KCND2: variants seen among roughly 807,000 people sequenced by gnomAD.
The protein encoded by KCND2 is A-type voltage-gated potassium channel KCND2.
In KCND2, 16 loss-of-function variants were observed where a neutral mutation model predicts 54.4. The ratio of observed to expected loss-of-function variants is 0.29; its 90% confidence interval spans 0.20 to 0.45. The LOEUF (loss-of-function observed/expected upper bound fraction) is 0.45. Ranked by LOEUF, KCND2 falls within the 20% of genes least tolerant of loss-of-function variation. The pLI, the probability that KCND2 is intolerant of heterozygous loss-of-function variation, is 1.00. For missense variants in KCND2, 486 were observed against 824.2 expected (o/e 0.59, Z 5.02); for synonymous variants, 317 against 310.7 (o/e 1.02, Z -0.21).
intron 1 of KCND2, among the ~76,000 whole-genome samples, chr7:120,376,726 C>A (rs1207045460): frequency 6.6e-6 from 1 of 151,722 alleles, no homozygotes; most frequent in Non-Finnish European, 1.5e-5. Context: ...TTTCAAGAAT[C>A]ATGAAAAACT....
chr7:120,367,286 G>A (rs151121920), intron 1 of KCND2, among the ~76,000 whole-genome samples: 62 of 152,174 alleles, frequency 4.1e-4, no homozygotes, highest in African/African-American at 1.4e-3. Context: ...GTTATGAAGC[G>A]AAGCAAAATG....
intron 1 of KCND2, among the ~76,000 whole-genome samples, chr7:120,404,664 C>T (rs1320377434): frequency 6.6e-6 from 1 of 152,076 alleles, no homozygotes; most frequent in Non-Finnish European, 1.5e-5. Flanking sequence ...CCCAGCTTTG[C>T]CAGTAATAAC....
chr7:120,628,849 T>G (rs1478375483), intron 1 of KCND2, among the ~76,000 whole-genome samples: 1 of 152,118 alleles, frequency 6.6e-6, no homozygotes, highest in African/African-American at 2.4e-5. Flanking sequence ...CTTTTCTGAA[T>G]TAATTCAATA....
intron 1 of KCND2, among the ~76,000 whole-genome samples, chr7:120,637,464 A>G (rs1421978538): frequency 1.3e-5 from 2 of 152,122 alleles, no homozygotes; most frequent in Non-Finnish European, 2.9e-5. Context: ...AAGAAGTTTT[A>G]TTTTTAAGCC....
intron 1 of KCND2, among the ~76,000 whole-genome samples, chr7:120,321,768 C>T (rs1799895945): frequency 6.6e-6 from 1 of 152,026 alleles, no homozygotes; most frequent in Non-Finnish European, 1.5e-5. Context: ...GCTTGCTGTT[C>T]CATATTTCAT....
chr7:120,504,962 T>C (rs1001135657), intron 1 of KCND2, among the ~76,000 whole-genome samples: 2 of 151,654 alleles, frequency 1.3e-5, no homozygotes, highest in African/African-American at 4.8e-5. Flanking sequence ...ATTGTTGCAC[T>C]TACAAAATAT....
chr7:120,587,961 A>C (rs902675614), intron 1 of KCND2, among the ~76,000 whole-genome samples: 2 of 152,206 alleles, frequency 1.3e-5, no homozygotes, highest in African/African-American at 4.8e-5. Context: ...TTTTGCTTAT[A>C]CAGTATGTTA....
chr7:120,531,207 T>C (rs1360655821), intron 1 of KCND2, among the ~76,000 whole-genome samples: 1 of 152,104 alleles, frequency 6.6e-6, no homozygotes, highest in Non-Finnish European at 1.5e-5. Context: ...TCCTCCAACA[T>C]CGTGTCTCCT....
rs533983528 is a variant in KCND2, at chr7:120,585,429, A to G, written c.1116-147474A>G. On this transcript the variant is annotated intron_variant, in intron 1 of 5. Coordinates refer to ENST00000331113, the MANE Select transcript of KCND2 (RefSeq NM_012281.3). ...TAAGCAGATGAGAAAAGGGAGGTGC[A>G]CAAACTTACATACTTCCTAGGCATG... Among the ~76,000 whole-genome samples, 3 of 152,330 alleles carry G rather than the reference A, an allele frequency of 2.0e-5. 1 individual carries two copies. Among genetic ancestry groups the G allele is most frequent in the African/African-American group, 7.2e-5 (3 of 41,576 alleles).
intron 1 of KCND2, among the ~76,000 whole-genome samples, chr7:120,709,797 G>C (rs1792516290): frequency 6.6e-6 from 1 of 152,070 alleles, no homozygotes; most frequent in African/African-American, 2.4e-5. Context: ...CACTGGCTTG[G>C]AATCTTACTG....
intron 1 of KCND2, among the ~76,000 whole-genome samples, chr7:120,613,115 G>A (rs914658435): frequency 2.7e-5 from 4 of 150,286 alleles, no homozygotes; most frequent in African/African-American, 9.8e-5. Context: ...TATGATCTGG[G>A]ATTAGGGCAT....
chr7:120,745,997 G>C lies in KCND2; in HGVS notation c.1685G>C (p.Arg562Thr), dbSNP rs1249044956. The change falls in exon 5 of 6, where the codon AGA becomes ACA. Residue 562 changes from arginine (R) to threonine (T), a missense_variant. Physicochemically the swap from Arg to Thr is moderately conservative, Grantham distance 71. Around this residue, in one of 7 missense-constraint regions of KCND2, gnomAD observed 202 missense variants for 252.7 expected, o/e 0.80. Transcript: ENST00000331113. ...SIQELSTIQI[R>T]CVERTPLSNS... Reference sequence around the variant, plus strand: ...CAAGAACTCAGCACGATTCAGATCAGATGTGTGGAGAGAACACCTCTGTCT... The same window carrying C: ...CAAGAACTCAGCACGATTCAGATCACATGTGTGGAGAGAACACCTCTGTCT... 3.7e-6 allele frequency: 6 copies of C among 1,613,642 alleles called. No homozygotes were observed. In the South Asian group the frequency reaches 4.4e-5, roughly 12 times the overall value.
At chr7:120,568,586 A>G (rs1792326428) in intron 1 of KCND2, among the ~76,000 whole-genome samples, 1 of 152,188 alleles carries the variant, frequency 6.6e-6, no homozygotes, top group South Asian at 2.1e-4. Flanking sequence ...ATTGCTTCAA[A>G]GTACAATTAA....
chr7:120,282,208 A>G (rs919951125), intron 1 of KCND2, among the ~76,000 whole-genome samples: 1 of 152,144 alleles, frequency 6.6e-6, no homozygotes, highest in African/African-American at 2.4e-5. Context: ...TAAAAAGCCC[A>G]TGGGTCAACA....
At chr7:120,427,559 A>G (rs1309319002) in intron 1 of KCND2, among the ~76,000 whole-genome samples, 1 of 152,242 alleles carries the variant, frequency 6.6e-6, no homozygotes, top group African/African-American at 2.4e-5. Flanking sequence ...CTCTGGTATC[A>G]AGTACAATGA....
intron 1 of KCND2, among the ~76,000 whole-genome samples, chr7:120,589,790 C>T (rs975623334): frequency 1.3e-5 from 2 of 152,100 alleles, no homozygotes; most frequent in Non-Finnish European, 1.5e-5. Context: ...AGTCTCCTAA[C>T]CTCACTATGT....
In KCND2 at chr7:120,308,145, A is replaced by G. The variant is rs1467121746; in HGVS notation, c.1115+32398A>G. ...TGTACTTTTTACTGAAATACCACTT[A>G]CTGAAGGGCTTTACTAAAGAGGGAG... On this transcript the variant is annotated intron_variant, in intron 1 of 5. Coordinates refer to ENST00000331113, the MANE Select transcript of KCND2 (RefSeq NM_012281.3). Among the ~76,000 whole-genome samples the G allele has an allele frequency of 2.0e-5, 3 of 152,086 alleles. No homozygotes were observed. In the East Asian group the frequency reaches 5.8e-4, roughly 29 times the overall value.
intron 1 of KCND2, among the ~76,000 whole-genome samples, chr7:120,676,446 T>C (rs1490197934): frequency 6.6e-6 from 1 of 152,188 alleles, no homozygotes; most frequent in Admixed American, 6.5e-5. Context: ...CAAATTCAGT[T>C]CCTAGCTGTC....
At chr7:120,617,502 A>G (rs1793042693) in intron 1 of KCND2, among the ~76,000 whole-genome samples, 1 of 152,210 alleles carries the variant, frequency 6.6e-6, no homozygotes, top group Non-Finnish European at 1.5e-5. Context: ...GATGTTGGAG[A>G]GGTTGCAGAG....
Sources: allele counts gnomAD v4.1 joint callset (sites outside exome capture counted in the v4.1 genomes callset), GRCh38; gene constraint gnomAD v4.1.1; regional missense constraint gnomAD v4.1.1; transcripts MANE v1.5; gene names NCBI Gene and HGNC (gene_info 2026-07-23, HGNC 2026-07-21).